Variants in ECT2L observed in about 807,000 individuals in gnomAD.
ECT2L encodes epithelial cell-transforming sequence 2 oncogene-like.
A neutral mutation model predicts 122.8 loss-of-function variants in ECT2L; 126 were observed. The ratio of observed to expected loss-of-function variants is 1.03; its 90% CI spans 0.89 to 1.19. The LOEUF (loss-of-function observed/expected upper bound fraction) is 1.19, where lower values mean the gene tolerates loss of function less well. Ranked by LOEUF, ECT2L falls within the 50% of genes most tolerant of loss-of-function variation. ECT2L has a pLI of 0.00. For synonymous variants in ECT2L, 385 were observed against 381.8 expected, an observed-to-expected ratio of 1.01 and a Z score of -0.10; for missense variants, 1,012 against 1,064.1, an observed-to-expected ratio of 0.95 and a Z score of 0.68.
chr6:138,836,579 A>G (rs1776848336), intron 4 of ECT2L, among the ~76,000 whole-genome samples: 2 of 151,800 alleles, frequency 1.3e-5, no homozygotes, highest in African/African-American at 4.8e-5. Flanking sequence ...TGAGCCACTC[A>G]TTGATGATTC....
intron 4 of ECT2L, among the ~76,000 whole-genome samples, chr6:138,815,769 G>A (rs569638257): frequency 1.3e-5 from 2 of 152,250 alleles, no homozygotes; most frequent in African/African-American, 4.8e-5. Context: ...GGTAACCTTC[G>A]GATGTCTTAG....
chr6:138,888,484 T>C (rs922986319), intron 19 of ECT2L, among the ~76,000 whole-genome samples: 11 of 151,988 alleles, frequency 7.2e-5, no homozygotes, highest in Non-Finnish European at 1.6e-4. Flanking sequence ...CTAATTTTTT[T>C]TGTATTTTTA....
intron 4 of ECT2L, among the ~76,000 whole-genome samples, chr6:138,820,159 C>T (rs1464156571): frequency 6.6e-6 from 1 of 152,142 alleles, no homozygotes; most frequent in Non-Finnish European, 1.5e-5. Context: ...GTAACCCCCA[C>T]CCTACCAAGG....
intron 4 of ECT2L, among the ~76,000 whole-genome samples, chr6:138,819,905 A>C (rs1281750593): frequency 6.6e-6 from 1 of 152,038 alleles, no homozygotes; most frequent in Non-Finnish European, 1.5e-5. Flanking sequence ...AAAACAAAAA[A>C]CAAAAAACCA....
chr6:138,848,792 T>C (rs1401061284), intron 8 of ECT2L, among the ~76,000 whole-genome samples: 1 of 152,010 alleles, frequency 6.6e-6, no homozygotes, highest in East Asian at 1.9e-4. Flanking sequence ...TTGCTGGGAC[T>C]ACAGCTACAC....
chr6:138,802,118 C>T (rs1478800145), intron 1 of ECT2L, among the ~76,000 whole-genome samples: 1 of 152,238 alleles, frequency 6.6e-6, no homozygotes, highest in African/African-American at 2.4e-5. Context: ...GTGAGCTAAA[C>T]TATAGAGAGG....
chr6:138,867,360 T>C (rs1778082125), intron 12 of ECT2L, among the ~76,000 whole-genome samples: 1 of 152,128 alleles, frequency 6.6e-6, no homozygotes, highest in South Asian at 2.1e-4. Flanking sequence ...ACTGCTATTC[T>C]TTGCATTTTT....
rs1430354600 is a variant in ECT2L, at chr6:138,885,830, G to C, written c.2259G>C (p.Gln753His). Reference protein sequence around the residue: ...QIKKYKGYIDQMKQNITMKDH... With the variant: ...QIKKYKGYIDHMKQNITMKDH... Reference sequence around the variant, plus strand: ...AAAAATATAAAGGTTATATAGATCAGGTTGGTTGCTGATAAGAATCTGTGT... The same window carrying C: ...AAAAATATAAAGGTTATATAGATCACGTTGGTTGCTGATAAGAATCTGTGT... The change falls in exon 18 of 22, where the codon CAG becomes CAC. Residue 753 changes from glutamine to histidine, a missense_variant and splice_region_variant. By Grantham distance (24) the Gln-to-His change is conservative (BLOSUM62 0). Transcript: ENST00000541398. The C allele has an allele frequency of 6.2e-7, 1 of 1,611,518 alleles. No individual in the cohort carries two copies. Among genetic ancestry groups the C allele is most frequent in the Non-Finnish European group, 8.5e-7 (1 of 1,179,056 alleles).
rs752087628 is a variant in ECT2L, at chr6:138,876,470, A to G, written c.1579-2A>G. On this transcript the variant is annotated splice_acceptor_variant, in intron 13 of 21. Transcript: ENST00000541398. LOFTEE classifies it high-confidence loss of function. ...ATAACCAAGTTTCCATTCAATCTTC[A>G]GGAAAGAAATGTTGTAGAAGACAAT... 3 of 1,607,778 alleles carry G rather than the reference A, an allele frequency of 1.9e-6. No individual in the cohort carries two copies. The South Asian group carries it at 3.3e-5, about 18-fold the overall frequency.
intron 11 of ECT2L, among the ~76,000 whole-genome samples, chr6:138,863,615 C>CTT (rs113243740): frequency 4.2e-5 from 6 of 143,956 alleles, no homozygotes; most frequent in Admixed American, 7.0e-5. Flanking sequence ...GGTTTTCTTT[C>CTT]TTTTTTTTTT....
At chr6:138,812,196 C>T (rs1775924597) in intron 1 of ECT2L, among the ~76,000 whole-genome samples, 1 of 152,194 alleles carries the variant, frequency 6.6e-6, no homozygotes, top group East Asian at 1.9e-4. Context: ...ACCAATGCTA[C>T]TGACATCTTA....
intron 1 of ECT2L, among the ~76,000 whole-genome samples, chr6:138,812,314 C>T (rs1395490727): frequency 3.3e-5 from 5 of 152,150 alleles, no homozygotes. Context: ...AAGACAGTAC[C>T]CCCCTAAACT....
chr6:138,879,750 C>G (rs4896416), intron 14 of ECT2L, among the ~76,000 whole-genome samples: 1 of 151,924 alleles, frequency 6.6e-6, no homozygotes, highest in Non-Finnish European at 1.5e-5. Flanking sequence ...GTCAAGAGAT[C>G]GAGAACATTC....
intron 10 of ECT2L, among the ~76,000 whole-genome samples, chr6:138,860,870 C>T (rs552886151): frequency 1.2e-4 from 19 of 152,154 alleles, no homozygotes; most frequent in East Asian, 1.2e-3. Context: ...AATGCTCTCC[C>T]TCCCCTTTCC....
rs182005675 is a variant in ECT2L at position 138,896,723 on chromosome 6, C to T, written c.2415-4225C>T. On this transcript the variant is annotated intron_variant, in intron 20 of 21. Coordinates refer to ENST00000541398, the MANE Select transcript of ECT2L (RefSeq NM_001077706.3). ...AGTGCAATGGCGTGATCTCGGCTCA[C>T]TGCAACCTCCGCCTCCTGGGTTCAA... 3.1e-3 allele frequency among the ~76,000 whole-genome samples: 473 copies of T among 152,296 alleles called. 1 individual carries two copies. The highest frequency in any genetic ancestry group is 5.3e-3 in the Admixed American group (81 of 15,292).
chr6:138,798,098 G>A (rs894304145), intron 1 of ECT2L, among the ~76,000 whole-genome samples: 1 of 152,196 alleles, frequency 6.6e-6, no homozygotes, highest in African/African-American at 2.4e-5. Context: ...AGGTATGTGG[G>A]CAAGGGTGTG....
At chr6:138,843,705 T>A (rs111673648) in intron 6 of ECT2L, among the ~76,000 whole-genome samples, 4 of 152,282 alleles carry the variant, frequency 2.6e-5, no homozygotes, top group African/African-American at 7.2e-5. Context: ...TTATTTATTT[T>A]ATTTTTGAGA....
At chr6:138,871,443 T>G (rs1778247598) in intron 13 of ECT2L, among the ~76,000 whole-genome samples, 1 of 152,206 alleles carries the variant, frequency 6.6e-6, no homozygotes, top group South Asian at 2.1e-4. Flanking sequence ...CATAGAGAAC[T>G]GCTGGAGGCA....
chr6:138,811,651 C>A (rs907853250), intron 1 of ECT2L, among the ~76,000 whole-genome samples: 1 of 152,068 alleles, frequency 6.6e-6, no homozygotes, highest in African/African-American at 2.4e-5. Flanking sequence ...TTTAAAGTTA[C>A]AGCAAGCTAT....
Sources: allele counts gnomAD v4.1 joint callset (sites outside exome capture counted in the v4.1 genomes callset), GRCh38; gene constraint gnomAD v4.1.1; transcripts MANE v1.5; gene names NCBI Gene and HGNC (gene_info 2026-07-23, HGNC 2026-07-21).